The following PTPN18 variants were observed in gnomAD, a reference collection of about 807,000 sequenced individuals.
PTPN18 encodes protein tyrosine phosphatase non-receptor type 18.
PTPN18 carries 65 observed loss-of-function variants against 65.4 expected under a neutral mutation model. The ratio of observed to expected loss-of-function variants is 0.99; its 90% CI spans 0.81 to 1.22. PTPN18 has a LOEUF of 1.22. PTPN18 is among the 50% of genes most tolerant of loss of function. The pLI is 0.00. For missense variants in PTPN18, 616 were observed against 646.5 expected (o/e 0.95, Z 0.51); for synonymous variants, 255 against 267.8 (o/e 0.95, Z 0.47).
chr2:130,361,835 G>A (rs529896651), intron 5 of PTPN18, among the ~76,000 whole-genome samples: 10 of 152,132 alleles, frequency 6.6e-5, no homozygotes, highest in African/African-American at 2.2e-4. Context: ...TGATCCACCC[G>A]CCTCAGCCTC....
At chr2:130,361,512 CTCTTTCTT>C (rs70994707) in intron 5 of PTPN18, among the ~76,000 whole-genome samples, 35,685 of 122,546 alleles carry the variant, frequency 0.29, 5,430 homozygotes, top group Non-Finnish European at 0.33. Context: ...TCTTTTCTTT[CTCTTTCTT>C]TCTTTCTTTC....
chr2:130,372,635 C>T, intron 13 of PTPN18, 152 bp downstream of exon 13: 1 of 1,114,080 alleles, frequency 9.0e-7, no homozygotes, highest in Non-Finnish European at 1.2e-6. Flanking sequence ...GCGTCCCTGG[C>T]CACGCCCCGG....
At chr2:130,357,302 G>C (rs1192115741) in intron 1 of PTPN18, among the ~76,000 whole-genome samples, 3 of 152,206 alleles carry the variant, frequency 2.0e-5, no homozygotes, top group Non-Finnish European at 4.4e-5. Flanking sequence ...GCTAGGCACT[G>C]TACATTACAG....
rs368539158 is a variant in PTPN18 at position 130,365,465 on chromosome 2, T to G, written c.415-3668T>G. Among the ~76,000 whole-genome samples, 20 of 152,380 alleles carry G rather than the reference T, an allele frequency of 1.3e-4. 2 individuals are homozygous for G. The highest frequency in any genetic ancestry group is 4.8e-4 in the African/African-American group (20 of 41,592). The stretch of plus-strand genomic sequence containing the variant: ...GGGTTGTCTTTTTATTATTGAGTTG[T>G]AAGCGTTATTCTGTATATAAGTCCC... On this transcript the variant is annotated intron_variant, in intron 5 of 14. Transcript: ENST00000175756.
chr2:130,364,356 A>G (rs1680319127), intron 5 of PTPN18, among the ~76,000 whole-genome samples: 1 of 152,190 alleles, frequency 6.6e-6, no homozygotes, highest in East Asian at 1.9e-4. Flanking sequence ...AGGTTCATCC[A>G]TGTTGCAGTG....
At chr2:130,362,389 GCT>G in intron 5 of PTPN18, 1 of 264,800 alleles carries the variant, frequency 3.8e-6, no homozygotes, top group Non-Finnish European at 7.5e-6. Context: ...TTTTCTATTT[GCT>G]CTGTTTGTTC....
intron 1 of PTPN18, among the ~76,000 whole-genome samples, chr2:130,357,038 A>G (rs1268463951): frequency 6.6e-6 from 1 of 152,144 alleles, no homozygotes; most frequent in Non-Finnish European, 1.5e-5. Flanking sequence ...TAAAAATACA[A>G]AAATCAACTG....
chr2:130,361,452 A>G (rs1680186997), intron 5 of PTPN18, among the ~76,000 whole-genome samples: 1 of 151,564 alleles, frequency 6.6e-6, no homozygotes, highest in African/African-American at 2.4e-5. Flanking sequence ...ATTTGTTAAT[A>G]TTTTTTTCTG....
rs76467103 is a variant in PTPN18 at position 130,368,279 on chromosome 2, T to C, written c.415-854T>C. On this transcript the variant is annotated intron_variant, in intron 5 of 14. Coordinates refer to ENST00000175756, the MANE Select transcript of PTPN18 (RefSeq NM_014369.4). ...TCTTTGTATGTCCAGCAAAATTTTATTGGATGCTTGATATTTTGAATTTTG... is the reference window on the plus strand; with the variant it reads ...TCTTTGTATGTCCAGCAAAATTTTACTGGATGCTTGATATTTTGAATTTTG... 8.0e-3 allele frequency among the ~76,000 whole-genome samples: 1,226 copies of C among 152,352 alleles called. 22 individuals are homozygous for C. The highest frequency in any genetic ancestry group is 0.028 in the African/African-American group (1,151 of 41,574).
chr2:130,358,857 G>A lies in PTPN18; in HGVS notation c.94-10G>A, dbSNP rs748369897. 2.5e-6 allele frequency: 4 copies of A among 1,606,218 alleles called. 1 individual carries two copies. The South Asian group carries it at 3.3e-5, about 13-fold the overall frequency. Reference sequence around the variant, plus strand: ...CTCCCCTCCCTGACCCACTCATAATGCTCTACCAGGACATCCAGGCCTGCT... The same window carrying A: ...CTCCCCTCCCTGACCCACTCATAATACTCTACCAGGACATCCAGGCCTGCT... On this transcript the variant is annotated splice_polypyrimidine_tract_variant and intron_variant, in intron 1 of 14. Transcript: ENST00000175756.
intron 12 of PTPN18, 168 bp from the exon 13 acceptor site, chr2:130,372,089 G>A (rs2104953861): frequency 1.7e-6 from 1 of 572,744 alleles, no homozygotes; most frequent in African/African-American, 2.0e-5. Flanking sequence ...TAACTTGCAG[G>A]GCGCTAGGGA....
intron 2 of PTPN18, 119 bp downstream of exon 2, chr2:130,359,094 G>A: frequency 6.9e-7 from 1 of 1,455,470 alleles, no homozygotes; most frequent in Non-Finnish European, 9.5e-7. Flanking sequence ...CCTCTGCACT[G>A]CTCAGCAGCC....
chr2:130,367,050 A>ATTTTTTT (rs57039741), intron 5 of PTPN18, among the ~76,000 whole-genome samples: 2 of 104,200 alleles, frequency 1.9e-5, no homozygotes, highest in African/African-American at 7.2e-5. Flanking sequence ...GCTAATTTTA[A>ATTTTTTT]TTTTTTTTTT....
At chr2:130,371,825 C>T (rs1414585891) in intron 12 of PTPN18, among the ~76,000 whole-genome samples, 1 of 151,974 alleles carries the variant, frequency 6.6e-6, no homozygotes, top group Non-Finnish European at 1.5e-5. Context: ...AAAAAAACAA[C>T]AAAAAAAATT....
At chr2:130,358,453 A>G (rs1277751037) in intron 1 of PTPN18, among the ~76,000 whole-genome samples, 3 of 152,130 alleles carry the variant, frequency 2.0e-5, no homozygotes, top group Admixed American at 6.5e-5. Flanking sequence ...ATTTCATTAC[A>G]GTTATTGCTT....
intron 11 of PTPN18, 24 bp from the exon 12 acceptor site, chr2:130,371,175 G>A (rs1363444390): frequency 1.3e-6 from 2 of 1,567,906 alleles, no homozygotes; most frequent in African/African-American, 2.7e-5. Context: ...TCCCTCAGGA[G>A]CCTCCCCTCC....
intron 5 of PTPN18, among the ~76,000 whole-genome samples, chr2:130,364,558 A>G (rs1232903577): frequency 6.6e-6 from 1 of 152,212 alleles, no homozygotes; most frequent in Non-Finnish European, 1.5e-5. Context: ...GCACTTTGGG[A>G]GGCCGAAGCA....
At chr2:130,367,368 T>C (rs1680418973) in intron 5 of PTPN18, among the ~76,000 whole-genome samples, 1 of 152,136 alleles carries the variant, frequency 6.6e-6, no homozygotes, top group Admixed American at 6.5e-5. Context: ...TTGTGCATAA[T>C]GCTTTTAAGA....
Position 130,359,595 on chromosome 2 carries a change from C to A in PTPN18, c.376-13C>A. On this transcript the variant is annotated splice_polypyrimidine_tract_variant and intron_variant, in intron 4 of 14. Transcript: ENST00000175756. ...CCAAATCACCTTCCTCTCCCCTGACCCTCCTTGTCTAGGTGATCCTGATGG... is the reference window on the plus strand; with the variant it reads ...CCAAATCACCTTCCTCTCCCCTGACACTCCTTGTCTAGGTGATCCTGATGG... 6.2e-7 allele frequency: 1 copy of A among 1,614,034 alleles called. No homozygotes were observed. The highest frequency in any genetic ancestry group is 8.5e-7 in the Non-Finnish European group (1 of 1,179,956).
Sources: allele counts gnomAD v4.1 joint callset (sites outside exome capture counted in the v4.1 genomes callset), GRCh38; gene constraint gnomAD v4.1.1; transcripts MANE v1.5; gene names NCBI Gene and HGNC (gene_info 2026-07-23, HGNC 2026-07-21).